Variants in IL23R observed in about 807,000 individuals in gnomAD.
IL23R encodes interleukin-23 receptor.
In IL23R, 34 loss-of-function variants were observed where a neutral mutation model predicts 56.9. The observed-to-expected ratio is 0.60, with a 90% CI of 0.45 to 0.80. The LOEUF (loss-of-function observed/expected upper bound fraction) is 0.80, where lower values mean the gene tolerates loss of function less well. Among genes scored for constraint, IL23R ranks in the 30% least tolerant of loss-of-function variants. The pLI is 0.00. For missense variants in IL23R, 635 were observed against 730.0 expected, an observed-to-expected ratio of 0.87 and a Z score of 1.50; for synonymous variants, 230 against 249.2, an observed-to-expected ratio of 0.92 and a Z score of 0.73.
At chr1:67,252,711 T>C (rs1652707797) in intron 9 of IL23R, among the ~76,000 whole-genome samples, 2 of 151,566 alleles carry the variant, frequency 1.3e-5, no homozygotes, top group Admixed American at 6.6e-5. Context: ...AGGAGTTTAA[T>C]TGAGCAATGA....
At chr1:67,261,151 CTG>C (rs1231934489), downstream of IL23R, among the ~76,000 whole-genome samples, 1 of 150,250 alleles carries the variant, frequency 6.7e-6, no homozygotes, top group Non-Finnish European at 1.5e-5. Context: ...ATGAGGTTGA[CTG>C]TATATCCCAG....
chr1:67,226,082 C>T (rs1650597584), intron 7 of IL23R, among the ~76,000 whole-genome samples: 1 of 152,188 alleles, frequency 6.6e-6, no homozygotes, highest in South Asian at 2.1e-4. Context: ...ATGCTCAAAC[C>T]CGTTACAGGA....
intron 1 of IL23R, among the ~76,000 whole-genome samples, chr1:67,156,437 C>T (rs1185375371): frequency 6.6e-6 from 1 of 152,178 alleles, no homozygotes; most frequent in Admixed American, 6.5e-5. Flanking sequence ...GGTGTTCTGT[C>T]CCAGGGAGAA....
Position 67,237,106 on chromosome 1 carries a change from A to G in IL23R, c.1045+304A>G, listed in dbSNP as rs7516622. On this transcript the variant is annotated intron_variant, in intron 8 of 10. Transcript: ENST00000347310. Reference sequence around the variant, plus strand: ...CACCCAGGCTGGAGTGCAATGGTGCAATCTCGGCTCACTGCAACCTCCGCC... The same window carrying G: ...CACCCAGGCTGGAGTGCAATGGTGCGATCTCGGCTCACTGCAACCTCCGCC... Among the ~76,000 whole-genome samples the G allele has an allele frequency of 0.86, 130,150 of 152,158 alleles. 55,897 individuals are homozygous for G. Among genetic ancestry groups the G allele is most frequent in the East Asian group, 0.99 (5,116 of 5,188 alleles).
intron 1 of IL23R, among the ~76,000 whole-genome samples, chr1:67,152,900 T>C (rs545170685): frequency 1.3e-5 from 2 of 152,334 alleles, no homozygotes; most frequent in South Asian, 4.1e-4. Flanking sequence ...GATATTGGCC[T>C]GAGGTTTTCT....
rs552291312 is a variant in IL23R at position 67,255,011 on chromosome 1, G to A, written c.1149-826G>A. Reference sequence around the variant, plus strand: ...TGTTCCCCAGCCTCCTTCTCCATCCGCATCAAGAAAGTTTGGAGCTGTCAC... The same window carrying A: ...TGTTCCCCAGCCTCCTTCTCCATCCACATCAAGAAAGTTTGGAGCTGTCAC... On this transcript the variant is annotated intron_variant, in intron 9 of 10. Coordinates refer to ENST00000347310, the MANE Select transcript of IL23R (RefSeq NM_144701.3). Among the ~76,000 whole-genome samples, 12 of 152,168 alleles carry A rather than the reference G, an allele frequency of 7.9e-5. No individual in the cohort carries two copies. The South Asian group carries it at 2.5e-3, about 32-fold the overall frequency.
chr1:67,153,827 G>T (rs144310325), intron 1 of IL23R, among the ~76,000 whole-genome samples: 1 of 151,848 alleles, frequency 6.6e-6, no homozygotes, highest in Non-Finnish European at 1.5e-5. Context: ...GTGCAGTGGC[G>T]CAATTTCGGC....
intron 7 of IL23R, among the ~76,000 whole-genome samples, chr1:67,234,251 G>C (rs892843724): frequency 1.3e-5 from 2 of 152,166 alleles, no homozygotes; most frequent in African/African-American, 4.8e-5. Context: ...ACATTGGCTT[G>C]ATTTCTTCTC....
chr1:67,198,186 C>G (rs147528524), intron 4 of IL23R, among the ~76,000 whole-genome samples: 1 of 152,168 alleles, frequency 6.6e-6, no homozygotes, highest in East Asian at 1.9e-4. Context: ...AAGTCCTCAC[C>G]TCCAACACTG....
intron 7 of IL23R, among the ~76,000 whole-genome samples, chr1:67,233,855 T>TG (rs1289524266): frequency 7.4e-6 from 1 of 135,832 alleles, no homozygotes; most frequent in Non-Finnish European, 1.7e-5. Flanking sequence ...TCATGAGGTT[T>TG]TTTTTTTTTT....
At chr1:67,161,357 A>C (rs1646817669) in intron 1 of IL23R, among the ~76,000 whole-genome samples, 1 of 152,208 alleles carries the variant, frequency 6.6e-6, no homozygotes, top group South Asian at 2.1e-4. Flanking sequence ...AATTATTTAC[A>C]AATTATCACA....
upstream of IL23R, among the ~76,000 whole-genome samples, chr1:67,163,608 G>A (rs1368346118): frequency 6.6e-6 from 1 of 152,002 alleles, no homozygotes; most frequent in Non-Finnish European, 1.5e-5. Flanking sequence ...ATGGCTTAGT[G>A]CCATCCTCTT....
chr1:67,172,219 C>T (rs1365493230), intron 3 of IL23R, among the ~76,000 whole-genome samples: 2 of 152,164 alleles, frequency 1.3e-5, no homozygotes, highest in East Asian at 3.8e-4. Flanking sequence ...TTCTAGAAAT[C>T]ACATTGCTTT....
At chr1:67,152,905 T>C (rs1027028169) in intron 1 of IL23R, among the ~76,000 whole-genome samples, 1 of 152,084 alleles carries the variant, frequency 6.6e-6, no homozygotes, top group African/African-American at 2.4e-5. Context: ...TGGCCTGAGG[T>C]TTTCTTTTTT....
chr1:67,232,853 T>G (rs1327927405), intron 7 of IL23R, among the ~76,000 whole-genome samples: 1 of 152,042 alleles, frequency 6.6e-6, no homozygotes, highest in Admixed American at 6.6e-5. Flanking sequence ...TGGGGGCAGT[T>G]GCAGTCATGC....
intron 1 of IL23R, among the ~76,000 whole-genome samples, chr1:67,154,405 A>C (rs1363009393): frequency 6.6e-6 from 1 of 152,030 alleles, no homozygotes; most frequent in African/African-American, 2.4e-5. Context: ...TCTCTCTGTA[A>C]GTCTCTAAGA....
At chr1:67,182,357 C>T (rs1187692546) in intron 3 of IL23R, among the ~76,000 whole-genome samples, 2 of 152,152 alleles carry the variant, frequency 1.3e-5, no homozygotes, top group South Asian at 2.1e-4. Context: ...CTCCCAGCCT[C>T]GCTGCCACCT....
intron 3 of IL23R, among the ~76,000 whole-genome samples, chr1:67,180,894 G>C (rs1647130303): frequency 6.6e-6 from 1 of 152,120 alleles, no homozygotes; most frequent in South Asian, 2.1e-4. Context: ...AGTTTGGCTG[G>C]ATATGAAAAT....
intron 10 of IL23R, among the ~76,000 whole-genome samples, chr1:67,257,600 C>T (rs975854687): frequency 2.0e-5 from 3 of 152,170 alleles, no homozygotes; most frequent in Admixed American, 6.5e-5. Flanking sequence ...TGTTGGAAGG[C>T]CTCCAGTCCA....
Sources: gnomAD v4.1 joint callset for allele counts (sites outside exome capture counted in the v4.1 genomes callset) on GRCh38, gnomAD v4.1.1 for gene constraint, MANE v1.5 for transcripts, NCBI Gene and HGNC (gene_info 2026-07-23, HGNC 2026-07-21) for gene names.